CSMD2: variants seen among roughly 807,000 people sequenced by gnomAD.
CSMD2 encodes the protein CUB and Sushi multiple domains 2.
A neutral mutation model predicts 398.5 loss-of-function variants in CSMD2; 130 were observed. The ratio of observed to expected loss-of-function variants is 0.33; its 90% CI spans 0.28 to 0.38. The LOEUF is 0.38. Among genes scored for constraint, CSMD2 ranks in the 10% least tolerant of loss-of-function variants. The probability of loss-of-function intolerance (pLI) is 1.00; values close to 1 mark genes in which losing one functional copy is unlikely to be tolerated. For missense variants in CSMD2, 3,829 were observed against 4,764.9 expected (o/e 0.80, Z 5.78); for synonymous variants, 1,828 against 1,908.5 (o/e 0.96, Z 1.10).
chr1:33,664,467 T>C (rs1370610949), intron 25 of CSMD2, among the ~76,000 whole-genome samples: 1 of 152,206 alleles, frequency 6.6e-6, no homozygotes, highest in Non-Finnish European at 1.5e-5. Context: ...AATATTTCAG[T>C]TGACTTGCCA....
rs1004224643 is a variant in CSMD2, at chr1:33,633,391, A to G, written c.5200+31T>C. 1.1e-5 allele frequency: 16 copies of G among 1,499,580 alleles called. No homozygotes were observed. Among genetic ancestry groups the G allele is most frequent in the Non-Finnish European group, 1.5e-5 (16 of 1,100,952 alleles). 92.9% of individuals were successfully genotyped at this position (1,499,580 alleles called of 1,614,324 possible). ...CCGGACGTGATGCCCCCGGCCCACAACCATCCCCACACTGGCCGAGCCCCG... is the reference window on the plus strand; with the variant it reads ...CCGGACGTGATGCCCCCGGCCCACAGCCATCCCCACACTGGCCGAGCCCCG... On this transcript the variant is annotated intron_variant, in intron 32 of 70. Transcript: ENST00000373381. This position sits in a 1 kb window ranked among gnomAD's most constrained non-coding sequence, Gnocchi z 5.0.
chr1:33,961,004 C>T (rs1339348535), intron 3 of CSMD2, among the ~76,000 whole-genome samples: 1 of 152,236 alleles, frequency 6.6e-6, no homozygotes, highest in African/African-American at 2.4e-5. Flanking sequence ...CCATCTCCTA[C>T]CATTCTCTAT....
chr1:34,000,687 A>T (rs758015206), intron 3 of CSMD2, among the ~76,000 whole-genome samples: 1 of 152,160 alleles, frequency 6.6e-6, no homozygotes, highest in Non-Finnish European at 1.5e-5. Flanking sequence ...GAAATGAATA[A>T]AGTAAAAGGC....
At chr1:34,001,998 T>G (rs939776798) in intron 3 of CSMD2, among the ~76,000 whole-genome samples, 14 of 152,248 alleles carry the variant, frequency 9.2e-5, no homozygotes, top group African/African-American at 3.1e-4. Flanking sequence ...AGCTAATGTC[T>G]AATGATCTGA....
intron 3 of CSMD2, among the ~76,000 whole-genome samples, chr1:34,014,600 C>A (rs1647820748): frequency 6.6e-6 from 1 of 152,222 alleles, no homozygotes. Context: ...GGCAAGCGAC[C>A]ACTGTGCCCT....
chr1:34,027,314 C>T (rs1009527595), intron 3 of CSMD2, among the ~76,000 whole-genome samples: 5 of 152,126 alleles, frequency 3.3e-5, no homozygotes, highest in Admixed American at 1.3e-4. Flanking sequence ...TGCCAATTAT[C>T]GCAACAAATG....
At chr1:33,663,369 A>G (rs752246974) in intron 25 of CSMD2, among the ~76,000 whole-genome samples, 18 of 152,106 alleles carry the variant, frequency 1.2e-4, no homozygotes, top group Non-Finnish European at 5.9e-5. Context: ...CCATTGTCAG[A>G]CTGCATCCCT....
chr1:34,091,322 C>T (rs188972344), intron 1 of CSMD2, among the ~76,000 whole-genome samples: 1 of 152,134 alleles, frequency 6.6e-6, no homozygotes, highest in East Asian at 1.9e-4. Context: ...TGGCTAGACA[C>T]TCTCCTAAAA....
At chr1:33,724,028 A>G (rs1335837992) in intron 19 of CSMD2, among the ~76,000 whole-genome samples, 169 bp downstream of exon 19, 1 of 152,184 alleles carries the variant, frequency 6.6e-6, no homozygotes, top group African/African-American at 2.4e-5. Flanking sequence ...AAGTTCTACC[A>G]TTCAAAGGGA....
At chr1:34,024,327 G>A (rs80041099) in intron 3 of CSMD2, among the ~76,000 whole-genome samples, 6,339 of 152,318 alleles carry the variant, frequency 0.042, 443 homozygotes, top group African/African-American at 0.15. Context: ...AGGCAGCTGC[G>A]TGAGAATGCT....
Position 33,624,472 on chromosome 1 carries a change from G to C in CSMD2, c.5625+47C>G. 1 of 1,604,558 alleles carries C rather than the reference G, an allele frequency of 6.2e-7. No individual in the cohort carries two copies. The highest frequency in any genetic ancestry group is 8.5e-7 in the Non-Finnish European group (1 of 1,174,982). On this transcript the variant is annotated intron_variant, in intron 35 of 70. Transcript: ENST00000373381. This position sits in a 1 kb window ranked among gnomAD's most constrained non-coding sequence, Gnocchi z 4.7. Reference sequence around the variant, plus strand: ...GGTTGTCACCTGTGAGCTGTTACCTGGGAGCAGACGGCCACCTGCCCGACC... The same window carrying C: ...GGTTGTCACCTGTGAGCTGTTACCTCGGAGCAGACGGCCACCTGCCCGACC...
chr1:33,940,678 T>C (rs2125339788), intron 3 of CSMD2, among the ~76,000 whole-genome samples: 1 of 152,296 alleles, frequency 6.6e-6, no homozygotes, highest in South Asian at 2.1e-4. Flanking sequence ...CACTCTGGAA[T>C]GTGAGACTGC....
At chr1:34,000,986 AGAAGGAGAAAGGG>A (rs1366697817) in intron 3 of CSMD2, among the ~76,000 whole-genome samples, 4 of 149,686 alleles carry the variant, frequency 2.7e-5, no homozygotes, top group African/African-American at 9.9e-5. Flanking sequence ...GAAGGAGGGG[AGAAGGAGAAAGGG>A]GAAGGAGGAA....
chr1:34,002,955 C>G (rs913450213), intron 3 of CSMD2, among the ~76,000 whole-genome samples: 4 of 152,158 alleles, frequency 2.6e-5, no homozygotes, highest in African/African-American at 7.2e-5. Context: ...GAGAGGAAGC[C>G]GAAAGCAGGT....
At chr1:34,012,513 C>T in intron 3 of CSMD2, among the ~76,000 whole-genome samples, 1 of 151,902 alleles carries the variant, frequency 6.6e-6, no homozygotes, top group African/African-American at 2.4e-5. Flanking sequence ...GTGATCTTGG[C>T]TCGCTGCGAC....
intron 20 of CSMD2, among the ~76,000 whole-genome samples, chr1:33,715,726 G>A (rs1646144574): frequency 6.6e-6 from 1 of 152,214 alleles, no homozygotes. Flanking sequence ...TACGGGACAA[G>A]AATGGTGAAG....
chr1:33,962,860 C>G (rs143380228), intron 3 of CSMD2, among the ~76,000 whole-genome samples: 28 of 152,334 alleles, frequency 1.8e-4, no homozygotes, highest in African/African-American at 6.3e-4. Flanking sequence ...TTCATAGCAT[C>G]TAACATATCA....
intron 3 of CSMD2, among the ~76,000 whole-genome samples, chr1:33,936,644 G>A (rs1379223087): frequency 6.6e-6 from 1 of 152,234 alleles, no homozygotes; most frequent in Non-Finnish European, 1.5e-5. Context: ...AGAGGAAATG[G>A]TCTTGGGGAA....
intron 19 of CSMD2, among the ~76,000 whole-genome samples, chr1:33,717,390 C>T (rs1460763730): frequency 6.6e-6 from 1 of 151,936 alleles, no homozygotes; most frequent in East Asian, 1.9e-4. Flanking sequence ...GGAGCAAGAG[C>T]AGGAGATGGC....
Sources: gnomAD v4.1 joint callset for allele counts (sites outside exome capture counted in the v4.1 genomes callset) on GRCh38, gnomAD v4.1.1 for gene constraint, Gnocchi (gnomAD v3.1) non-coding constraint, MANE v1.5 for transcripts, NCBI Gene and HGNC (gene_info 2026-07-23, HGNC 2026-07-21) for gene names.